The following ATP5F1B variants were observed in gnomAD, a reference collection of about 807,000 sequenced individuals.
ATP5F1B encodes ATP synthase F(1) complex subunit beta, mitochondrial.
ATP5F1B carries 17 observed loss-of-function variants against 45.9 expected under a neutral mutation model. The ratio of observed to expected loss-of-function variants is 0.37; its 90% CI spans 0.25 to 0.56. The LOEUF is 0.56. Among genes scored for constraint, ATP5F1B ranks in the 20% least tolerant of loss-of-function variants. The pLI, the probability that ATP5F1B is intolerant of heterozygous loss-of-function variation, is 0.80. For missense variants in ATP5F1B, 387 were observed against 673.2 expected, an observed-to-expected ratio of 0.57 and a Z score of 4.70; for synonymous variants, 218 against 256.5, an observed-to-expected ratio of 0.85 and a Z score of 1.43.
intron 1 of ATP5F1B, 123 bp from the exon 2 acceptor site, chr12:56,645,476 G>A (rs1469104211): frequency 2.6e-6 from 3 of 1,167,912 alleles, no homozygotes; most frequent in Non-Finnish European, 3.5e-6. Flanking sequence ...CGCTTGTACG[G>A]AACGCGTGTC....
At chr12:56,643,209 T>A (rs1407788199) in intron 5 of ATP5F1B, 194 bp downstream of exon 5, 5 of 519,850 alleles carry the variant, frequency 9.6e-6, no homozygotes, top group Admixed American at 3.6e-5. Context: ...AAAGAAAATG[T>A]CCATTTGTGT....
chr12:56,639,161 C>T lies in ATP5F1B; in HGVS notation c.1434G>A (p.Met478Ile). ...FQVAEVFTGH[M>I]GKLVPLKETI... ...TCTCCTTCAGGGGTACCAGCTTCCC[C>T]ATATGACCTGTGAAGACCTCAGCAA... Residue 478 changes from methionine to isoleucine, a missense_variant, in exon 9 of 10, where the codon ATG becomes ATA. By Grantham distance (10) the Met-to-Ile change is conservative. Around this residue, in one of 6 missense-constraint regions of ATP5F1B, gnomAD observed 154 missense variants for 361.4 expected, o/e 0.43. Transcript: ENST00000262030. The T allele has an allele frequency of 6.2e-7, 1 of 1,613,868 alleles. No homozygotes were observed. Among genetic ancestry groups the T allele is most frequent in the Non-Finnish European group, 8.5e-7 (1 of 1,179,848 alleles).
At position 56,638,251 on chromosome 12, in the gene ATP5F1B, C is replaced by T. The variant is rs1389810312; in HGVS notation, c.*72G>A. The stretch of plus-strand genomic sequence containing the variant: ...TATATCTTCAATCAAGGCTCTTGTG[C>T]AGCCTACACAGAAAAATGAAGCTTT... On this transcript the variant is annotated 3_prime_UTR_variant, in exon 10 of 10. Coordinates refer to ENST00000262030, the MANE Select transcript of ATP5F1B (RefSeq NM_001686.4). 1 of 1,259,462 alleles carries T rather than the reference C, an allele frequency of 7.9e-7. No homozygotes were observed. 78.0% of individuals were successfully genotyped at this position (1,259,462 alleles called of 1,614,324 possible). A position where few individuals can be genotyped will look rare whatever the true frequency, so the allele number is the denominator to read the frequency against.
At chr12:56,645,407 C>A in intron 1 of ATP5F1B, 54 bp from the exon 2 acceptor site, 1 of 1,551,946 alleles carries the variant, frequency 6.4e-7, no homozygotes. Flanking sequence ...TAAAGGTCAT[C>A]GGAAGCCAGG....
chr12:56,639,399 A>C, intron 8 of ATP5F1B, 92 bp from the exon 9 acceptor site: 1 of 1,241,516 alleles, frequency 8.1e-7, no homozygotes, highest in Admixed American at 2.0e-5. Flanking sequence ...GGGGCAGAGA[A>C]GGTGGTGGTG....
At chr12:56,644,221 A>T (rs1215631421) in intron 3 of ATP5F1B, among the ~76,000 whole-genome samples, 1 of 152,182 alleles carries the variant, frequency 6.6e-6, no homozygotes, top group Non-Finnish European at 1.5e-5. Flanking sequence ...ACTGAGCCTT[A>T]ACCTAACAGC....
At position 56,638,188 on chromosome 12, in the gene ATP5F1B, A is replaced by G; in HGVS notation, c.*135T>C. Reference sequence around the variant, plus strand: ...GAATCAGACAAATTCTGAGGGGTGTACATTTTATTGGAAACCTTAAATACT... The same window carrying G: ...GAATCAGACAAATTCTGAGGGGTGTGCATTTTATTGGAAACCTTAAATACT... On this transcript the variant is annotated 3_prime_UTR_variant, in exon 10 of 10. Coordinates refer to ENST00000262030, the MANE Select transcript of ATP5F1B (RefSeq NM_001686.4). 1.4e-6 allele frequency: 1 copy of G among 706,176 alleles called. No individual in the cohort carries two copies. Among genetic ancestry groups the G allele is most frequent in the Non-Finnish European group, 2.4e-6 (1 of 422,766 alleles). 43.7% of individuals were successfully genotyped at this position (706,176 alleles called of 1,614,324 possible).
At position 56,645,939 on chromosome 12, in the gene ATP5F1B, C is replaced by T. The variant is rs1343480207; in HGVS notation, c.25G>A (p.Ala9Thr). 1 of 1,605,062 alleles carries T rather than the reference C, an allele frequency of 6.2e-7. No individual in the cohort carries two copies. Among genetic ancestry groups the T allele is most frequent in the African/African-American group, 1.3e-5 (1 of 74,830 alleles). Residue 9 changes from alanine to threonine, a missense_variant, in exon 1 of 10, where the codon GCC (alanine) becomes ACC (threonine). By Grantham distance (58) the Ala-to-Thr change is moderately conservative. This residue lies in a region of ATP5F1B where 76 missense variants were observed against 62.0 expected (regional missense o/e 1.23). Transcript: ENST00000262030. Reference protein sequence around the residue: MLGFVGRVAAAPASGALRR... With the variant: MLGFVGRVTAAPASGALRR... ...AAGGCCCCGGAGGCCGGAGCAGCGG[C>T]CACCCGACCCACAAACCCCAACATG...
chr12:56,641,761 C>T (rs1426252778), intron 7 of ATP5F1B, among the ~76,000 whole-genome samples: 1 of 151,730 alleles, frequency 6.6e-6, no homozygotes, highest in East Asian at 2.0e-4. Context: ...TGTGTTAAGT[C>T]AGGATGGTCT....
chr12:56,645,872 A>G lies in ATP5F1B; in HGVS notation c.92T>C (p.Leu31Pro), dbSNP rs780442752. The G allele has an allele frequency of 1.2e-5, 20 of 1,609,476 alleles. 1 individual carries two copies. The East Asian group carries it at 2.2e-4, about 18-fold the overall frequency. Residue 31 changes from leucine (L) to proline (P), a missense_variant, in exon 1 of 10, where the codon CTC becomes CCC. By Grantham distance (98) the Leu-to-Pro change is moderately conservative. Around this residue, in one of 6 missense-constraint regions of ATP5F1B, gnomAD observed 76 missense variants for 62.0 expected, o/e 1.23. Coordinates refer to ENST00000262030, the MANE Select transcript of ATP5F1B (RefSeq NM_001686.4). ...TPSASLPPAQ[L>P]LLRAAPTAVH... Reference sequence around the variant, plus strand: ...CGCCGTCGGAGCGGCCCGCAGTAAGAGCTGAGCTGGGGGCAGCGACGCTGA... The same window carrying G: ...CGCCGTCGGAGCGGCCCGCAGTAAGGGCTGAGCTGGGGGCAGCGACGCTGA...
intron 3 of ATP5F1B, among the ~76,000 whole-genome samples, chr12:56,644,432 G>A (rs944281658): frequency 4.6e-5 from 7 of 152,082 alleles, no homozygotes; most frequent in Admixed American, 4.6e-4. Context: ...CCAACATGGT[G>A]AAACCCCATC....
chr12:56,639,918 T>G, intron 8 of ATP5F1B, 62 bp downstream of exon 8: 1 of 1,545,418 alleles, frequency 6.5e-7, no homozygotes, highest in Non-Finnish European at 8.9e-7. Context: ...AGTCCTCATA[T>G]AGTCCCCACA....
chr12:56,645,815 G>C (rs1278449636), intron 1 of ATP5F1B, 22 bp downstream of exon 1: 1 of 1,605,046 alleles, frequency 6.2e-7, no homozygotes, highest in Admixed American at 1.7e-5. Context: ...TGGAACGTTA[G>C]CTCCTAGAGA....
chr12:56,644,566 G>A (rs1031643821), intron 3 of ATP5F1B, among the ~76,000 whole-genome samples: 12 of 151,528 alleles, frequency 7.9e-5, no homozygotes, highest in African/African-American at 2.2e-4. Context: ...AGTCGAGAGC[G>A]AAACTCCCTC....
chr12:56,642,441 T>C lies in ATP5F1B; in HGVS notation c.1074+17A>G, dbSNP rs562906295. On this transcript the variant is annotated intron_variant, in intron 7 of 9. Coordinates refer to ENST00000262030, the MANE Select transcript of ATP5F1B (RefSeq NM_001686.4). ...CCTTTATACAAATCAGATCTTCATC[T>C]ATGTAATTTTTCTTACCTGTACAGA... 1 of 1,613,310 alleles carries C rather than the reference T, an allele frequency of 6.2e-7. No homozygotes were observed. Among genetic ancestry groups the C allele is most frequent in the Admixed American group, 1.7e-5 (1 of 60,008 alleles).
Position 56,639,090 on chromosome 12 carries a change from G to C in ATP5F1B, c.1489+16C>G, listed in dbSNP as rs770608613. 1 of 1,611,612 alleles carries C rather than the reference G, an allele frequency of 6.2e-7. No homozygotes were observed. Among genetic ancestry groups the C allele is most frequent in the East Asian group, 2.2e-5 (1 of 44,868 alleles). ...ACAGCACAGTAAACATTCAAGATTTGTACTCAAAATCTCACCTGCCAAAAT... is the reference window on the plus strand; with the variant it reads ...ACAGCACAGTAAACATTCAAGATTTCTACTCAAAATCTCACCTGCCAAAAT... On this transcript the variant is annotated intron_variant, in intron 9 of 9. Transcript: ENST00000262030.
chr12:56,642,845 A>G lies in ATP5F1B; in HGVS notation c.793-14T>C. Reference sequence around the variant, plus strand: ...TACCAGCGCTACCTGCAGTAATCATACATAATCGTAAAACCTGACAAAGGA... The same window carrying G: ...TACCAGCGCTACCTGCAGTAATCATGCATAATCGTAAAACCTGACAAAGGA... On this transcript the variant is annotated splice_polypyrimidine_tract_variant and intron_variant, in intron 5 of 9. Transcript: ENST00000262030. The G allele has an allele frequency of 6.2e-7, 1 of 1,613,840 alleles. No homozygotes were observed. The highest frequency in any genetic ancestry group is 8.5e-7 in the Non-Finnish European group (1 of 1,179,854).
In ATP5F1B at chr12:56,644,962, G is replaced by C; in HGVS notation, c.311-7C>G. 4 of 1,614,084 alleles carry C rather than the reference G, an allele frequency of 2.5e-6. No individual in the cohort carries two copies. The highest frequency in any genetic ancestry group is 3.4e-6 in the Non-Finnish European group (4 of 1,179,948). On this transcript the variant is annotated splice_region_variant and splice_polypyrimidine_tract_variant and intron_variant, in intron 2 of 9. Transcript: ENST00000262030. ...GTCCTTACTGTGCTCTCACCTGTTA[G>C]ATACAGGCATCGCAGGGTTATACAT...
intron 7 of ATP5F1B, among the ~76,000 whole-genome samples, chr12:56,641,681 G>A (rs191718549): frequency 1.3e-5 from 2 of 151,774 alleles, no homozygotes; most frequent in Admixed American, 6.6e-5. Context: ...CTCCCGAGTA[G>A]CTGGAACTAC....
Sources: allele counts gnomAD v4.1 joint callset (sites outside exome capture counted in the v4.1 genomes callset), GRCh38; gene constraint gnomAD v4.1.1; regional missense constraint gnomAD v4.1.1; transcripts MANE v1.5; gene names NCBI Gene and HGNC (gene_info 2026-07-23, HGNC 2026-07-21).